DCUN1D5: variants seen among roughly 807,000 people sequenced by gnomAD.
The protein encoded by DCUN1D5 is defective in cullin neddylation 1 domain containing 5.
A neutral mutation model predicts 38.3 loss-of-function variants in DCUN1D5; 10 were observed. That is an observed-to-expected ratio of 0.26 (90% CI 0.16 to 0.44). The LOEUF (loss-of-function observed/expected upper bound fraction) is 0.44. Ranked by LOEUF, DCUN1D5 falls within the 20% of genes least tolerant of loss-of-function variation. DCUN1D5 has a pLI of 1.00. For missense variants in DCUN1D5, 148 were observed against 275.3 expected, an observed-to-expected ratio of 0.54 and a Z score of 3.27; for synonymous variants, 93 against 90.9, an observed-to-expected ratio of 1.02 and a Z score of -0.13.
At chr11:103,080,986 C>T (rs917935907) in intron 4 of DCUN1D5, among the ~76,000 whole-genome samples, 32 of 150,368 alleles carry the variant, frequency 2.1e-4, no homozygotes, top group African/African-American at 7.8e-4. Flanking sequence ...TGTAGCCTGG[C>T]GACAAAGCAA....
At chr11:103,088,858 G>C (rs1862780278) in intron 2 of DCUN1D5, among the ~76,000 whole-genome samples, 1 of 152,122 alleles carries the variant, frequency 6.6e-6, no homozygotes, top group Non-Finnish European at 1.5e-5. Context: ...ATATTGAATA[G>C]AAATGTTTTA....
chr11:103,058,245 C>A lies in DCUN1D5; in HGVS notation c.*4114G>T, dbSNP rs963506407. 6.6e-6 allele frequency among the ~76,000 whole-genome samples: 1 copy of A among 152,022 alleles called. No homozygotes were observed. Among genetic ancestry groups the A allele is most frequent in the Non-Finnish European group, 1.5e-5 (1 of 68,002 alleles). ...CAGCATACACAGCAAAATGTTTCAT[C>A]GATCCTAAAAAGAAAATGGTCACAC... On this transcript the variant is annotated 3_prime_UTR_variant, in exon 8 of 8. Transcript: ENST00000260247.
chr11:103,076,381 A>C (rs1383729812), intron 4 of DCUN1D5, among the ~76,000 whole-genome samples: 2 of 152,216 alleles, frequency 1.3e-5, no homozygotes, highest in African/African-American at 4.8e-5. Flanking sequence ...CTGAGAAGTC[A>C]CTAAGGAGAT....
rs1333936169 is a variant in DCUN1D5 at position 103,054,139 on chromosome 11, T to C, written c.*8220A>G. On this transcript the variant is annotated 3_prime_UTR_variant, in exon 8 of 8. Coordinates refer to ENST00000260247, the MANE Select transcript of DCUN1D5 (RefSeq NM_032299.4). ...TGACGTAAGCCAGATAGAGAGAACC[T>C]CCCAATTTCCACATCTATGTCTCCT... 6.6e-6 allele frequency: 1 copy of C among 152,060 alleles called. No individual in the cohort carries two copies. The allele number at this position is 152,060 out of a possible 1,614,324, so 9.4% of individuals were successfully genotyped here.
Position 103,086,253 on chromosome 11 carries a change from CTG to C in DCUN1D5, c.179-2929_179-2928del, listed in dbSNP as rs1368501201. Among the ~76,000 whole-genome samples the C allele has an allele frequency of 1.3e-5, 2 of 152,056 alleles. No individual in the cohort carries two copies. The highest frequency in any genetic ancestry group is 2.9e-5 in the Non-Finnish European group (2 of 68,016). On this transcript the variant is annotated intron_variant, in intron 2 of 7. Transcript: ENST00000260247. The surrounding 1 kb of genome is among the most constrained non-coding windows in gnomAD (Gnocchi z 4.1). Reference sequence around the variant, plus strand: ...CGTAAGAGTCATTAATTTTGGAACACTGTAAAAAACACACAACCAGTAAATCT... The same window carrying C: ...CGTAAGAGTCATTAATTTTGGAACACTAAAAAACACACAACCAGTAAATCT...
chr11:103,070,284 G>T (rs1263886379), intron 4 of DCUN1D5, among the ~76,000 whole-genome samples: 1 of 152,072 alleles, frequency 6.6e-6, no homozygotes, highest in East Asian at 1.9e-4. Context: ...AAAAAAGCAT[G>T]ACCCAAACAT....
Position 103,066,456 on chromosome 11 carries a change from T to C in DCUN1D5, c.450+3A>G. The C allele has an allele frequency of 6.3e-7, 1 of 1,599,426 alleles. No homozygotes were observed. Among genetic ancestry groups the C allele is most frequent in the Non-Finnish European group, 8.6e-7 (1 of 1,169,120 alleles). ...AACAACAAAACAAGAAAATTGCACC[T>C]ACCCTTGCAAAATCAAAGGCATATC... On this transcript the variant is annotated splice_donor_region_variant and intron_variant, in intron 5 of 7. Transcript: ENST00000260247. This position sits in a 1 kb window ranked among gnomAD's most constrained non-coding sequence, Gnocchi z 4.7.
In DCUN1D5 at chr11:103,064,546, A is replaced by G. The variant is rs1021473251; in HGVS notation, c.556-169T>C. ...GATTCCTCATGGGCATTTACATATT[A>G]ACATAATCTATTTTTTACTTTTTTT... On this transcript the variant is annotated intron_variant, in intron 6 of 7. Coordinates refer to ENST00000260247, the MANE Select transcript of DCUN1D5 (RefSeq NM_032299.4). This position sits in a 1 kb window ranked among gnomAD's most constrained non-coding sequence, Gnocchi z 4.5. Among the ~76,000 whole-genome samples the G allele has an allele frequency of 6.6e-5, 10 of 152,144 alleles. No homozygotes were observed. The highest frequency in any genetic ancestry group is 2.4e-4 in the African/African-American group (10 of 41,440).
Position 103,071,875 on chromosome 11 carries a change from T to TA in DCUN1D5, c.342-5309dup, listed in dbSNP as rs1251933342. ...CTTATTCCACATCTCTCTCAAAACA[T>TA]AAAAGATTAAGAAAATTTAAAATAT... On this transcript the variant is annotated intron_variant, in intron 4 of 7. Coordinates refer to ENST00000260247, the MANE Select transcript of DCUN1D5 (RefSeq NM_032299.4). The surrounding 1 kb of genome is among the most constrained non-coding windows in gnomAD (Gnocchi z 4.1). Among the ~76,000 whole-genome samples the TA allele has an allele frequency of 2.3e-4, 35 of 150,748 alleles. No homozygotes were observed. The highest frequency in any genetic ancestry group is 2.3e-3 in the Admixed American group (35 of 15,176).
At position 103,058,525 on chromosome 11, in the gene DCUN1D5, G is replaced by A. The variant is rs1051459904; in HGVS notation, c.*3834C>T. 2.0e-5 allele frequency among the ~76,000 whole-genome samples: 3 copies of A among 152,098 alleles called. No homozygotes were observed. The highest frequency in any genetic ancestry group is 4.4e-5 in the Non-Finnish European group (3 of 68,000). ...GCAGAAATTCATCTTTCCACAGTCT[G>A]TAAGTTTATCATAAAAATTAGACTG... On this transcript the variant is annotated 3_prime_UTR_variant, in exon 8 of 8. Coordinates refer to ENST00000260247, the MANE Select transcript of DCUN1D5 (RefSeq NM_032299.4).
At chr11:103,085,642 C>T (rs901178664) in intron 2 of DCUN1D5, among the ~76,000 whole-genome samples, 1 of 152,082 alleles carries the variant, frequency 6.6e-6, no homozygotes, top group Non-Finnish European at 1.5e-5. Flanking sequence ...AAGTCTAAAG[C>T]GAGGTCTGTA....
chr11:103,071,202 G>A lies in DCUN1D5; in HGVS notation c.342-4635C>T, dbSNP rs1478767389. Among the ~76,000 whole-genome samples, 3 of 151,980 alleles carry A rather than the reference G, an allele frequency of 2.0e-5. No homozygotes were observed. The highest frequency in any genetic ancestry group is 1.9e-4 in the East Asian group (1 of 5,196). On this transcript the variant is annotated intron_variant, in intron 4 of 7. Transcript: ENST00000260247. This position sits in a 1 kb window ranked among gnomAD's most constrained non-coding sequence, Gnocchi z 4.1. ...ACCAAACAGGACAAAGTAAATAAGA[G>A]CAGAAACTGCTGAAATTGAAAACAG...
rs570686166 is a variant in DCUN1D5, at chr11:103,058,896, T to TG, written c.*3462dup. The stretch of plus-strand genomic sequence containing the variant: ...TAGGAGTAAGACTTTTGGGTTTTTT[T>TG]GGGGGGGGTTTTAATTTTATTTTTT... On this transcript the variant is annotated 3_prime_UTR_variant, in exon 8 of 8. Coordinates refer to ENST00000260247, the MANE Select transcript of DCUN1D5 (RefSeq NM_032299.4). 4.8e-4 allele frequency among the ~76,000 whole-genome samples: 72 copies of TG among 150,752 alleles called. 1 individual carries two copies. Among genetic ancestry groups the TG allele is most frequent in the African/African-American group, 1.3e-3 (52 of 40,844 alleles).
rs543327779 is a variant in DCUN1D5, at chr11:103,065,217, T to A, written c.556-840A>T. 5.3e-4 allele frequency among the ~76,000 whole-genome samples: 81 copies of A among 151,832 alleles called. No homozygotes were observed. The highest frequency in any genetic ancestry group is 1.8e-3 in the African/African-American group (76 of 41,418). ...CCCAGGCTGGAGTGTAGTGGTGCAA[T>A]CTCAGCTTACTGCAACCTCCACCTC... On this transcript the variant is annotated intron_variant, in intron 6 of 7. Coordinates refer to ENST00000260247, the MANE Select transcript of DCUN1D5 (RefSeq NM_032299.4). This position sits in a 1 kb window ranked among gnomAD's most constrained non-coding sequence, Gnocchi z 4.6.
rs1366941719 is a variant in DCUN1D5, at chr11:103,063,349, G to A, written c.658+926C>T. On this transcript the variant is annotated intron_variant, in intron 7 of 7. Coordinates refer to ENST00000260247, the MANE Select transcript of DCUN1D5 (RefSeq NM_032299.4). The surrounding 1 kb of genome is among the most constrained non-coding windows in gnomAD (Gnocchi z 4.6). ...AATACAAAATCTCCTAGTTTTAAAT[G>A]CTGATACAAAATACATAAATATACA... Among the ~76,000 whole-genome samples the A allele has an allele frequency of 6.6e-6, 1 of 152,038 alleles. No homozygotes were observed. Among genetic ancestry groups the A allele is most frequent in the Non-Finnish European group, 1.5e-5 (1 of 67,948 alleles).
At chr11:103,076,153 T>C (rs573066302) in intron 4 of DCUN1D5, among the ~76,000 whole-genome samples, 1 of 152,336 alleles carries the variant, frequency 6.6e-6, no homozygotes, top group East Asian at 1.9e-4. Context: ...AAGTTCTTTC[T>C]TTCCTTACCA....
rs924587489 is a variant in DCUN1D5 at position 103,051,993 on chromosome 11, T to C, written c.*10366A>G. 1 of 152,178 alleles carries C rather than the reference T, an allele frequency of 6.6e-6. No homozygotes were observed. The highest frequency in any genetic ancestry group is 1.5e-5 in the Non-Finnish European group (1 of 68,038). The allele number at this position is 152,178 out of a possible 1,614,324, so 9.4% of individuals were successfully genotyped here. On this transcript the variant is annotated 3_prime_UTR_variant, in exon 8 of 8. Transcript: ENST00000260247. ...GAACTCACTCTCCTCTGAACTCCTATAGCTTATTGTCATATTATTCAACTG... is the reference window on the plus strand; with the variant it reads ...GAACTCACTCTCCTCTGAACTCCTACAGCTTATTGTCATATTATTCAACTG...
intron 4 of DCUN1D5, among the ~76,000 whole-genome samples, chr11:103,076,072 C>T (rs1299353427): frequency 6.6e-6 from 1 of 152,132 alleles, no homozygotes; most frequent in Non-Finnish European, 1.5e-5. Flanking sequence ...AAATCTCACA[C>T]AGAATCTTAA....
intron 2 of DCUN1D5, among the ~76,000 whole-genome samples, chr11:103,085,804 T>C (rs1486105861): frequency 6.6e-6 from 1 of 152,222 alleles, no homozygotes; most frequent in African/African-American, 2.4e-5. Context: ...TTGAAGAAGC[T>C]ATAGAAATGA....
Sources: gnomAD v4.1 joint callset for allele counts (sites outside exome capture counted in the v4.1 genomes callset) on GRCh38, gnomAD v4.1.1 for gene constraint, Gnocchi (gnomAD v3.1) non-coding constraint, MANE v1.5 for transcripts, NCBI Gene and HGNC (gene_info 2026-07-23, HGNC 2026-07-21) for gene names.